Variants in DOCK5 observed in about 807,000 individuals in gnomAD.
DOCK5 encodes the protein dedicator of cytokinesis 5.
A neutral mutation model predicts 251.8 loss-of-function variants in DOCK5; 142 were observed. That is an observed-to-expected ratio of 0.56 (90% confidence interval 0.49 to 0.65). The LOEUF is 0.65. DOCK5 is among the 30% of genes least tolerant of loss of function. The probability of loss-of-function intolerance (pLI) is 0.00; values close to 1 mark genes in which losing one functional copy is unlikely to be tolerated. For synonymous variants in DOCK5, 842 were observed against 835.5 expected (o/e 1.01, Z -0.13); for missense variants, 2,111 against 2,312.3 (o/e 0.91, Z 1.79).
At chr8:25,214,019 A>G (rs1241297942) in intron 1 of DOCK5, among the ~76,000 whole-genome samples, 1 of 152,230 alleles carries the variant, frequency 6.6e-6, no homozygotes, top group Non-Finnish European at 1.5e-5. Context: ...CATTGGTTTC[A>G]TATACACCTT....
intron 41 of DOCK5, among the ~76,000 whole-genome samples, chr8:25,389,451 T>C (rs911507241): frequency 1.3e-5 from 2 of 152,144 alleles, no homozygotes; most frequent in Admixed American, 1.3e-4. Flanking sequence ...AGACAAATGA[T>C]GGATATGAAA....
At chr8:25,370,947 G>GTAT (rs957708034) in intron 34 of DOCK5, among the ~76,000 whole-genome samples, 4 of 151,978 alleles carry the variant, frequency 2.6e-5, no homozygotes, top group Non-Finnish European at 5.9e-5. Context: ...GTCTGGCCTA[G>GTAT]TATTATTATT....
chr8:25,283,477 T>C (rs1804253869), intron 5 of DOCK5, among the ~76,000 whole-genome samples: 1 of 152,156 alleles, frequency 6.6e-6, no homozygotes, highest in East Asian at 1.9e-4. Flanking sequence ...CGTAGAACTC[T>C]GAGAGTATGG....
In DOCK5 at chr8:25,302,069, C is replaced by T. The variant is rs757925298; in HGVS notation, c.847-256C>T. On this transcript the variant is annotated intron_variant, in intron 9 of 51. Coordinates refer to ENST00000276440, the MANE Select transcript of DOCK5 (RefSeq NM_024940.8). The stretch of plus-strand genomic sequence containing the variant: ...AAGCTGATGAACTGGAGACTTCCAA[C>T]GGGCTGTGATCTGATTTGTAAATTT... Among the ~76,000 whole-genome samples the T allele has an allele frequency of 5.9e-5, 9 of 152,158 alleles. No homozygotes were observed. The South Asian group carries it at 1.0e-3, about 17-fold the overall frequency.
At chr8:25,349,791 T>A (rs1800433942) in intron 26 of DOCK5, among the ~76,000 whole-genome samples, 1 of 152,154 alleles carries the variant, frequency 6.6e-6, no homozygotes, top group South Asian at 2.1e-4. Flanking sequence ...GGGTGAGCGA[T>A]AAAAGACTAC....
chr8:25,345,427 C>A, intron 25 of DOCK5, 48 bp from the exon 26 acceptor site: 1 of 1,604,756 alleles, frequency 6.2e-7, no homozygotes, highest in South Asian at 1.1e-5. Context: ...ACAGGCAGTT[C>A]AGGAGGTGGC....
intron 25 of DOCK5, among the ~76,000 whole-genome samples, chr8:25,342,830 C>G (rs1800266201): frequency 1.9e-4 from 1 of 5,142 alleles, no homozygotes; most frequent in Admixed American, 4.6e-3. Flanking sequence ...TCCCAAGTAG[C>G]TGGGACTACA....
intron 2 of DOCK5, among the ~76,000 whole-genome samples, chr8:25,263,175 T>C (rs1331045960): frequency 6.6e-6 from 1 of 151,732 alleles, no homozygotes; most frequent in Non-Finnish European, 1.5e-5. Context: ...CATTTATCAG[T>C]TTCTTTTTTT....
At chr8:25,394,573 A>C (rs568356179) in intron 44 of DOCK5, among the ~76,000 whole-genome samples, 2 of 152,174 alleles carry the variant, frequency 1.3e-5, no homozygotes, top group East Asian at 1.9e-4. Flanking sequence ...AGGAAGCATC[A>C]AACGTTTTGC....
At chr8:25,351,423 A>C (rs1800466081) in intron 26 of DOCK5, 2 of 311,386 alleles carry the variant, frequency 6.4e-6, no homozygotes, top group Admixed American at 4.7e-5. Context: ...GGGGTCCCCC[A>C]AAACTATTTG....
intron 12 of DOCK5, 135 bp downstream of exon 12, chr8:25,309,060 TTCCAACC>T: frequency 8.5e-7 from 1 of 1,175,874 alleles, no homozygotes; most frequent in Non-Finnish European, 1.1e-6. Context: ...CCCCCTCAGC[TTCCAACC>T]ACAGGCTTTT....
chr8:25,260,649 ATC>A (rs2117582538), intron 2 of DOCK5, among the ~76,000 whole-genome samples: 1 of 152,254 alleles, frequency 6.6e-6, no homozygotes, highest in South Asian at 2.1e-4. Context: ...TTGTTTACAG[ATC>A]TGTTTCCTTC....
At chr8:25,200,455 G>C (rs941247547) in intron 1 of DOCK5, among the ~76,000 whole-genome samples, 5 of 152,194 alleles carry the variant, frequency 3.3e-5, no homozygotes, top group African/African-American at 7.2e-5. Context: ...CGCAGTGATA[G>C]ATAAAGTGTT....
At chr8:25,333,383 G>A (rs1485607325) in intron 20 of DOCK5, among the ~76,000 whole-genome samples, 1 of 152,162 alleles carries the variant, frequency 6.6e-6, no homozygotes, top group Non-Finnish European at 1.5e-5. Context: ...AATGATTAGG[G>A]TATTAAAGCT....
chr8:25,195,251 C>CTTTTTTT (rs59704416), intron 1 of DOCK5, among the ~76,000 whole-genome samples: 3 of 106,212 alleles, frequency 2.8e-5, no homozygotes, highest in Admixed American at 1.0e-4. Context: ...CTCCTTATCA[C>CTTTTTTT]TTTTTTTTTT....
intron 1 of DOCK5, among the ~76,000 whole-genome samples, chr8:25,208,607 C>G (rs1209699862): frequency 6.6e-6 from 1 of 152,130 alleles, no homozygotes; most frequent in African/African-American, 2.4e-5. Context: ...AAAATATTTT[C>G]AAATTAAGGT....
chr8:25,361,382 G>T (rs1187382739), intron 28 of DOCK5, among the ~76,000 whole-genome samples: 1 of 152,128 alleles, frequency 6.6e-6, no homozygotes, highest in Non-Finnish European at 1.5e-5. Context: ...GGCTGAGGCA[G>T]GTGGATCACT....
At chr8:25,334,313 C>G in intron 21 of DOCK5, 117 bp downstream of exon 21, 1 of 805,586 alleles carries the variant, frequency 1.2e-6, no homozygotes, top group South Asian at 1.6e-5. Context: ...CCTGTTAAGG[C>G]AGAACTCTTA....
chr8:25,356,523 C>A (rs1041661029), intron 27 of DOCK5, among the ~76,000 whole-genome samples: 1 of 151,866 alleles, frequency 6.6e-6, no homozygotes, highest in Admixed American at 6.6e-5. Flanking sequence ...AAAAATTAGC[C>A]AGGCATGGTG....
Sources: allele counts gnomAD v4.1 joint callset (sites outside exome capture counted in the v4.1 genomes callset), GRCh38; gene constraint gnomAD v4.1.1; transcripts MANE v1.5; gene names NCBI Gene and HGNC (gene_info 2026-07-23, HGNC 2026-07-21).